Variants in ATP8A1 observed in about 807,000 individuals in gnomAD.
ATP8A1 encodes the protein phospholipid-transporting ATPase IA.
A neutral mutation model predicts 177.7 loss-of-function variants in ATP8A1; 90 were observed. The observed-to-expected ratio is 0.51, with a 90% CI of 0.43 to 0.60. The LOEUF (loss-of-function observed/expected upper bound fraction) is 0.60, where lower values mean the gene tolerates loss of function less well. Among genes scored for constraint, ATP8A1 ranks in the 20% least tolerant of loss-of-function variants. The pLI is 0.00. For synonymous variants in ATP8A1, 493 were observed against 485.9 expected (o/e 1.01, Z -0.19); for missense variants, 1,072 against 1,392.8 (o/e 0.77, Z 3.67).
chr4:42,571,466 T>C (rs1057018260), intron 14 of ATP8A1, among the ~76,000 whole-genome samples: 51 of 150,944 alleles, frequency 3.4e-4, no homozygotes, highest in African/African-American at 9.2e-4. Flanking sequence ...GGTCTAAATT[T>C]TTTTTTTTTT....
chr4:42,524,966 C>A, intron 20 of ATP8A1, 119 bp from the exon 21 acceptor site: 1 of 547,330 alleles, frequency 1.8e-6, no homozygotes, highest in South Asian at 2.9e-5. Context: ...TTTTGGCATT[C>A]GTTTTAAAGA....
intron 1 of ATP8A1, among the ~76,000 whole-genome samples, chr4:42,632,211 C>T (rs1738812466): frequency 6.6e-6 from 1 of 152,120 alleles, no homozygotes; most frequent in African/African-American, 2.4e-5. Flanking sequence ...ATTGTGTTCT[C>T]CAAGGTCTGT....
At chr4:42,534,319 AAAT>A (rs1727563558) in intron 20 of ATP8A1, among the ~76,000 whole-genome samples, 1 of 152,208 alleles carries the variant, frequency 6.6e-6, no homozygotes, top group African/African-American at 2.4e-5. Context: ...CAGATAGCAT[AAAT>A]AAAAAACAAT....
chr4:42,455,713 A>G (rs1338782504), intron 27 of ATP8A1, 114 bp from the exon 28 acceptor site: 1 of 871,258 alleles, frequency 1.1e-6, no homozygotes, highest in Non-Finnish European at 1.7e-6. Flanking sequence ...TATTATACTC[A>G]TGACTCTTTT....
intron 22 of ATP8A1, among the ~76,000 whole-genome samples, chr4:42,507,809 A>AAAAAAC (rs1477576809): frequency 7.2e-6 from 1 of 139,374 alleles, no homozygotes; most frequent in African/African-American, 2.9e-5. Context: ...AAAAAAAAAA[A>AAAAAAC]CATACAAACA....
chr4:42,550,016 G>A (rs958196414), intron 18 of ATP8A1, among the ~76,000 whole-genome samples: 1 of 151,984 alleles, frequency 6.6e-6, no homozygotes, highest in African/African-American at 2.4e-5. Flanking sequence ...GTGGTAATTA[G>A]CACCCCAATC....
At chr4:42,551,681 T>C (rs565961412) in intron 17 of ATP8A1, among the ~76,000 whole-genome samples, 99 of 152,324 alleles carry the variant, frequency 6.5e-4, no homozygotes, top group African/African-American at 2.2e-3. Flanking sequence ...ATATTGCTAA[T>C]TGAGGATTCA....
At chr4:42,449,502 T>C (rs1028941518) in intron 30 of ATP8A1, among the ~76,000 whole-genome samples, 6 of 152,310 alleles carry the variant, frequency 3.9e-5, no homozygotes, top group African/African-American at 1.4e-4. Flanking sequence ...TAGATGAATA[T>C]GTAGCTATAT....
At chr4:42,477,958 C>A (rs778456442) in intron 25 of ATP8A1, among the ~76,000 whole-genome samples, 1 of 151,864 alleles carries the variant, frequency 6.6e-6, no homozygotes, top group Non-Finnish European at 1.5e-5. Flanking sequence ...CCAGCCTGGG[C>A]AACAGAGCAA....
intron 33 of ATP8A1, among the ~76,000 whole-genome samples, chr4:42,431,525 A>G (rs1715303412): frequency 6.6e-6 from 1 of 152,154 alleles, no homozygotes; most frequent in East Asian, 1.9e-4. Flanking sequence ...TGTTGCTGTG[A>G]ATGGAATCTT....
intron 9 of ATP8A1, 74 bp from the exon 10 acceptor site, chr4:42,581,806 C>T (rs1367687257): frequency 9.9e-6 from 10 of 1,006,126 alleles, no homozygotes; most frequent in Non-Finnish European, 1.5e-5. Context: ...CATATAGTTA[C>T]AAAAGTACCC....
At chr4:42,416,062 C>G (rs974287297) in intron 35 of ATP8A1, among the ~76,000 whole-genome samples, 1 of 152,138 alleles carries the variant, frequency 6.6e-6, no homozygotes, top group African/African-American at 2.4e-5. Context: ...AGTTGTAAAA[C>G]TTGTTTCTGT....
At chr4:42,583,044 G>A (rs979431535) in intron 9 of ATP8A1, among the ~76,000 whole-genome samples, 5 of 152,118 alleles carry the variant, frequency 3.3e-5, no homozygotes, top group Non-Finnish European at 7.4e-5. Context: ...AAGAAAAGTC[G>A]ACAGACAACA....
chr4:42,489,977 C>T (rs1226308297), intron 24 of ATP8A1, among the ~76,000 whole-genome samples: 2 of 152,126 alleles, frequency 1.3e-5, no homozygotes, highest in African/African-American at 2.4e-5. Flanking sequence ...TATTTTCACT[C>T]GTGGGCTGAA....
At chr4:42,499,945 G>A (rs1371236982) in intron 24 of ATP8A1, among the ~76,000 whole-genome samples, 1 of 152,206 alleles carries the variant, frequency 6.6e-6, no homozygotes, top group Non-Finnish European at 1.5e-5. Flanking sequence ...AGTATCACTA[G>A]GTATAAGGGT....
intron 24 of ATP8A1, among the ~76,000 whole-genome samples, chr4:42,489,225 G>A (rs1204795941): frequency 2.0e-5 from 3 of 152,168 alleles, no homozygotes; most frequent in Non-Finnish European, 4.4e-5. Context: ...CGGACCTCAG[G>A]AGGACTTCGA....
At chr4:42,628,885 T>C (rs1196050630) in intron 1 of ATP8A1, among the ~76,000 whole-genome samples, 2 of 152,230 alleles carry the variant, frequency 1.3e-5, no homozygotes, top group African/African-American at 2.4e-5. Context: ...GTATTTACTT[T>C]ATATAATGGA....
At chr4:42,576,475 CAAAAAAAAA>C (rs1159794343) in intron 12 of ATP8A1, among the ~76,000 whole-genome samples, 182 of 32,404 alleles carry the variant, frequency 5.6e-3, no homozygotes, top group African/African-American at 0.024. Context: ...GACGCCGTCT[CAAAAAAAAA>C]AAAAAAAAAA....
chr4:42,615,037 ATC>A (rs1319163146), intron 5 of ATP8A1, among the ~76,000 whole-genome samples: 2 of 152,228 alleles, frequency 1.3e-5, no homozygotes, highest in African/African-American at 2.4e-5. Flanking sequence ...CACACAGATC[ATC>A]TCTTTGTACT....
Sources: allele counts gnomAD v4.1 joint callset (sites outside exome capture counted in the v4.1 genomes callset), GRCh38; gene constraint gnomAD v4.1.1; transcripts MANE v1.5; gene names NCBI Gene and HGNC (gene_info 2026-07-23, HGNC 2026-07-21).